The following HIVEP1 variants were observed in gnomAD, a reference collection of about 807,000 sequenced individuals.
HIVEP1 encodes zinc finger protein 40.
A neutral mutation model predicts 180.0 loss-of-function variants in HIVEP1; 36 were observed. The ratio of observed to expected loss-of-function variants is 0.20; its 90% CI spans 0.15 to 0.26. The LOEUF is 0.26. HIVEP1 is among the 10% of genes least tolerant of loss of function. The pLI is 1.00. For missense variants in HIVEP1, 3,143 were observed against 3,268.7 expected (o/e 0.96, Z 0.94); for synonymous variants, 1,239 against 1,239.0 (o/e 1.00, Z 0.00).
chr6:12,058,618 TTG>T (rs1475792769), intron 2 of HIVEP1, among the ~76,000 whole-genome samples: 8 of 152,198 alleles, frequency 5.3e-5, no homozygotes, highest in Admixed American at 2.0e-4. Context: ...ATACTTTACT[TTG>T]GGGTAGTAAG....
the HIVEP1 span, among the ~76,000 whole-genome samples, chr6:12,187,868 G>A: frequency 6.6e-5 from 10 of 152,240 alleles, no homozygotes; most frequent in South Asian, 1.9e-3. Flanking sequence ...TTACAGGTGT[G>A]AGCCACCATG....
intron 2 of HIVEP1, among the ~76,000 whole-genome samples, chr6:12,050,973 G>A (rs1770475357): frequency 7.2e-6 from 1 of 138,526 alleles, no homozygotes; most frequent in African/African-American, 2.7e-5. Context: ...TGGACGCTGA[G>A]TGCATGTGTG....
At chr6:12,050,209 C>G (rs1460909426) in intron 2 of HIVEP1, among the ~76,000 whole-genome samples, 1 of 152,208 alleles carries the variant, frequency 6.6e-6, no homozygotes, top group Non-Finnish European at 1.5e-5. Flanking sequence ...GTTCCACATG[C>G]TCTCTACTTG....
chr6:12,097,984 A>G (rs756362895), intron 3 of HIVEP1, among the ~76,000 whole-genome samples: 55 of 152,098 alleles, frequency 3.6e-4, no homozygotes, highest in Non-Finnish European at 6.9e-4. Flanking sequence ...ACCTGATTTT[A>G]ATTTTATAGG....
chr6:12,184,877 T>C, the HIVEP1 span, among the ~76,000 whole-genome samples: 1 of 152,226 alleles, frequency 6.6e-6, no homozygotes, highest in Non-Finnish European at 1.5e-5. Context: ...ATTATTTATT[T>C]AAAAATAAAA....
the HIVEP1 span, among the ~76,000 whole-genome samples, chr6:12,192,035 A>T: frequency 1.3e-5 from 2 of 152,236 alleles, no homozygotes; most frequent in Non-Finnish European, 2.9e-5. Context: ...GACAATTGCT[A>T]ACTATGCTTC....
chr6:12,135,469 A>G (rs1298296481), intron 6 of HIVEP1, among the ~76,000 whole-genome samples: 1 of 152,256 alleles, frequency 6.6e-6, no homozygotes, highest in South Asian at 2.1e-4. Context: ...TACAGATCAT[A>G]GTGTAGTCTG....
chr6:12,074,591 A>G (rs1435084435), intron 2 of HIVEP1, among the ~76,000 whole-genome samples: 1 of 150,172 alleles, frequency 6.7e-6, no homozygotes, highest in Non-Finnish European at 1.5e-5. Flanking sequence ...GTCTCCATAG[A>G]TCGCTGCAGT....
chr6:12,124,487 T>G lies in HIVEP1; in HGVS notation c.4692T>G (p.Cys1564Trp). The change falls in exon 4 of 9, where the codon TGT becomes TGG. Residue 1564 changes from cysteine (C) to tryptophan (W), a missense_variant. By Grantham distance (215) the Cys-to-Trp change is radical. This residue lies in a region of HIVEP1 where 1,357 missense variants were observed against 1,260.5 expected (regional missense o/e 1.08). Coordinates refer to ENST00000379388, the MANE Select transcript of HIVEP1 (RefSeq NM_002114.4). ...DCFAPKYQLH[C>W]QVFTSGPSCS... ...TTGCTCCCAAATACCAATTGCATTGTCAGGTTTTCACTTCAGGCCCATCTT... is the reference window on the plus strand; with the variant it reads ...TTGCTCCCAAATACCAATTGCATTGGCAGGTTTTCACTTCAGGCCCATCTT... 1 of 1,614,226 alleles carries G rather than the reference T, an allele frequency of 6.2e-7. No individual in the cohort carries two copies. Among genetic ancestry groups the G allele is most frequent in the East Asian group, 2.2e-5 (1 of 44,888 alleles).
At chr6:12,133,300 A>C (rs527735391) in intron 6 of HIVEP1, among the ~76,000 whole-genome samples, 1 of 152,348 alleles carries the variant, frequency 6.6e-6, no homozygotes, top group South Asian at 2.1e-4. Flanking sequence ...GTATCTCTGC[A>C]AGATTTAGTC....
chr6:12,174,325 AT>A, the HIVEP1 span, among the ~76,000 whole-genome samples: 7 of 152,114 alleles, frequency 4.6e-5, no homozygotes, highest in East Asian at 1.9e-4. Flanking sequence ...TCTAAAATTT[AT>A]TTTTTTTAAA....
At chr6:12,011,271 CCCCCCCCCCCCCCGCCT>C (rs1767271018), upstream of HIVEP1, among the ~76,000 whole-genome samples, 1 of 28,326 alleles carries the variant, frequency 3.5e-5, no homozygotes. Flanking sequence ...CCCTTGGGGT[CCCCCCCCCCCCCCGCCT>C]CCCCCTCCCC....
At chr6:12,021,996 G>A (rs1259434166) in intron 2 of HIVEP1, among the ~76,000 whole-genome samples, 1 of 152,160 alleles carries the variant, frequency 6.6e-6, no homozygotes, top group African/African-American at 2.4e-5. Flanking sequence ...AAACTAGAGG[G>A]TTGAGATGAT....
chr6:12,197,162 A>C, the HIVEP1 span, among the ~76,000 whole-genome samples: 1 of 152,174 alleles, frequency 6.6e-6, no homozygotes, highest in Non-Finnish European at 1.5e-5. Flanking sequence ...TGGCCTTGTC[A>C]ATTAAAAGAG....
At position 12,070,410 on chromosome 6, in the gene HIVEP1, G is replaced by T. The variant is rs140982247; in HGVS notation, c.41-18774G>T. On this transcript the variant is annotated intron_variant, in intron 2 of 8. Coordinates refer to ENST00000379388, the MANE Select transcript of HIVEP1 (RefSeq NM_002114.4). ...ACTAGGCAATATGGATTTTTCGGCCGGGTGCGGTGGCTCATGCCTGTAATC... is the reference window on the plus strand; with the variant it reads ...ACTAGGCAATATGGATTTTTCGGCCTGGTGCGGTGGCTCATGCCTGTAATC... 6.8e-4 allele frequency among the ~76,000 whole-genome samples: 104 copies of T among 152,182 alleles called. 5 individuals carry two copies. The East Asian group carries it at 0.018, about 26-fold the overall frequency.
chr6:12,094,588 G>A (rs1004445072), intron 3 of HIVEP1, among the ~76,000 whole-genome samples: 34 of 151,790 alleles, frequency 2.2e-4, no homozygotes, highest in African/African-American at 8.0e-4. Flanking sequence ...ATCTTACTAT[G>A]TCCTTTATTC....
At chr6:12,196,466 G>A in the HIVEP1 span, among the ~76,000 whole-genome samples, 1 of 152,150 alleles carries the variant, frequency 6.6e-6, no homozygotes, top group South Asian at 2.1e-4. Flanking sequence ...ATTCTCGTTG[G>A]CATGCATTCA....
At chr6:12,156,498 C>A (rs1200186939) in intron 7 of HIVEP1, among the ~76,000 whole-genome samples, 1 of 152,052 alleles carries the variant, frequency 6.6e-6, no homozygotes, top group East Asian at 1.9e-4. Context: ...GGACTCTTTC[C>A]CCCCATCACT....
intron 2 of HIVEP1, among the ~76,000 whole-genome samples, chr6:12,050,692 G>T: frequency 6.6e-6 from 1 of 152,006 alleles, no homozygotes; most frequent in African/African-American, 2.4e-5. Flanking sequence ...ATTAGCTCTC[G>T]CAGTCGGGCC....
Sources: gnomAD v4.1 joint callset for allele counts (sites outside exome capture counted in the v4.1 genomes callset) on GRCh38, gnomAD v4.1.1 for gene constraint, gnomAD v4.1.1 regional missense constraint, MANE v1.5 for transcripts, NCBI Gene and HGNC (gene_info 2026-07-23, HGNC 2026-07-21) for gene names.